Variants in IL22RA2 observed in about 807,000 individuals in gnomAD.
IL22RA2 encodes the protein interleukin-22 receptor subunit alpha-2.
IL22RA2 carries 39 observed loss-of-function variants against 30.7 expected under a neutral mutation model. That is an observed-to-expected ratio of 1.27 (90% confidence interval 0.98 to 1.66). The LOEUF (loss-of-function observed/expected upper bound fraction) is 1.66, where lower values mean the gene tolerates loss of function less well. IL22RA2 is among the 40% of genes most tolerant of loss of function. The pLI is 0.00. For synonymous variants in IL22RA2, 103 were observed against 105.0 expected (o/e 0.98, Z 0.11); for missense variants, 315 against 312.7 (o/e 1.01, Z -0.05).
intron 1 of IL22RA2, among the ~76,000 whole-genome samples, chr6:137,171,994 C>T (rs1187234029): frequency 1.3e-5 from 2 of 152,206 alleles, no homozygotes; most frequent in African/African-American, 4.8e-5. Flanking sequence ...TCCCTTTTCA[C>T]CTCTTCATGC....
In IL22RA2 at chr6:137,163,667, G is replaced by A. The variant is rs538313680; in HGVS notation, c.-65-1853C>T. Among the ~76,000 whole-genome samples the A allele has an allele frequency of 2.6e-5, 4 of 152,324 alleles. No individual in the cohort carries two copies. In the South Asian group the frequency reaches 8.3e-4, roughly 32 times the overall value. On this transcript the variant is annotated intron_variant, in intron 1 of 6. Coordinates refer to ENST00000296980, the MANE Select transcript of IL22RA2 (RefSeq NM_052962.3). ...AAGGGGAGCCTGGTCACCTCCAAGG[G>A]CATGACAACTAGTCTGACCCGAGGG...
chr6:137,156,696 C>G, intron 4 of IL22RA2, 63 bp downstream of exon 4: 1 of 1,575,316 alleles, frequency 6.3e-7, no homozygotes, highest in Non-Finnish European at 8.7e-7. Flanking sequence ...CAATCTTGGT[C>G]CATTTAATGT....
intron 1 of IL22RA2, among the ~76,000 whole-genome samples, chr6:137,163,553 G>C (rs1055883173): frequency 6.6e-6 from 1 of 152,116 alleles, no homozygotes; most frequent in Non-Finnish European, 1.5e-5. Flanking sequence ...CAGTGGAAAG[G>C]GTTGCAGGAC....
chr6:137,167,705 C>T (rs1229785824), intron 1 of IL22RA2, among the ~76,000 whole-genome samples: 1 of 152,192 alleles, frequency 6.6e-6, no homozygotes, highest in Non-Finnish European at 1.5e-5. Context: ...AAGCAGCCAC[C>T]ACCCAGGACC....
intron 1 of IL22RA2, among the ~76,000 whole-genome samples, chr6:137,169,809 G>C (rs1379342531): frequency 2.0e-5 from 3 of 152,222 alleles, no homozygotes; most frequent in African/African-American, 7.2e-5. Flanking sequence ...ACTGAATTAT[G>C]TTTTAGCTTC....
In IL22RA2 at chr6:137,156,373, A is replaced by G. The variant is rs574628864; in HGVS notation, c.293+386T>C. On this transcript the variant is annotated intron_variant, in intron 4 of 6. Coordinates refer to ENST00000296980, the MANE Select transcript of IL22RA2 (RefSeq NM_052962.3). ...AGATAGACGGTATCTATACTCGGTA[A>G]TCTACATGGTGACAGCAGTTTCATT... Among the ~76,000 whole-genome samples, 26 of 152,338 alleles carry G rather than the reference A, an allele frequency of 1.7e-4. No individual in the cohort carries two copies. The South Asian group carries it at 5.2e-3, about 30-fold the overall frequency.
Position 137,156,935 on chromosome 6 carries a change from C to T in IL22RA2, c.198-81G>A. The T allele has an allele frequency of 3.2e-6, 5 of 1,547,240 alleles. 1 individual carries two copies. The South Asian group carries it at 4.6e-5, about 14-fold the overall frequency. On this transcript the variant is annotated intron_variant, in intron 3 of 6. Transcript: ENST00000296980. ...ATCCTGGCTTTACAACAACCACTCT[C>T]ATAGAAACATTTCCATGACAAATTC...
intron 5 of IL22RA2, among the ~76,000 whole-genome samples, chr6:137,153,521 CA>C (rs1778335494): frequency 6.6e-6 from 1 of 152,134 alleles, no homozygotes; most frequent in Non-Finnish European, 1.5e-5. Context: ...CAACTTATGA[CA>C]TGTTTTTGTT....
intron 1 of IL22RA2, among the ~76,000 whole-genome samples, chr6:137,162,784 A>G (rs914376427): frequency 6.6e-6 from 1 of 152,220 alleles, no homozygotes; most frequent in Non-Finnish European, 1.5e-5. Context: ...TTTCTCAGAA[A>G]GAAACATTTC....
At chr6:137,147,313 G>A (rs1221105489) in intron 6 of IL22RA2, among the ~76,000 whole-genome samples, 1 of 147,372 alleles carries the variant, frequency 6.8e-6, no homozygotes, top group Admixed American at 6.8e-5. Context: ...AGTGAGCTAT[G>A]ATCACCACTG....
At chr6:137,168,543 A>C (rs1778668773) in intron 1 of IL22RA2, among the ~76,000 whole-genome samples, 1 of 152,244 alleles carries the variant, frequency 6.6e-6, no homozygotes, top group African/African-American at 2.4e-5. Context: ...AGTCAGCAGC[A>C]GAGCCACCAA....
In IL22RA2 at chr6:137,173,526, C is replaced by G. The variant is rs1162700495; in HGVS notation, c.-179G>C. 6.6e-6 allele frequency: 1 copy of G among 152,192 alleles called. No individual in the cohort carries two copies. Among genetic ancestry groups the G allele is most frequent in the Non-Finnish European group, 1.5e-5 (1 of 68,026 alleles). 9.4% of individuals were successfully genotyped at this position (152,192 alleles called of 1,614,324 possible). On this transcript the variant is annotated 5_prime_UTR_variant, in exon 1 of 7. Coordinates refer to ENST00000296980, the MANE Select transcript of IL22RA2 (RefSeq NM_052962.3). ...CCCATATTTTGTCTTTGTTAATCCT[C>G]TTATGAAGTCTAGGAGATTGGTATT...
intron 1 of IL22RA2, among the ~76,000 whole-genome samples, chr6:137,169,221 T>C (rs1778685130): frequency 6.6e-6 from 1 of 152,230 alleles, no homozygotes; most frequent in Non-Finnish European, 1.5e-5. Context: ...AGGTCAACAA[T>C]ATTTTGAAGA....
At position 137,154,996 on chromosome 6, in the gene IL22RA2, C is replaced by T. The variant is rs140915731; in HGVS notation, c.417G>A (p.Ser139=). The change falls in exon 5 of 7, where the codon TCG becomes TCA. Residue 139 remains serine (S), a synonymous_variant. Coordinates refer to ENST00000296980, the MANE Select transcript of IL22RA2 (RefSeq NM_052962.3). ...TGCTCCATTCTGAGTAGCTCCCAGCCGAGGCCGCCCTCACCCTCCCGTAAT... is the reference window on the plus strand; with the variant it reads ...TGCTCCATTCTGAGTAGCTCCCAGCTGAGGCCGCCCTCACCCTCCCGTAAT... ...EPYYGRVRAA[S]AGSYSEWSMT... 4.2e-5 allele frequency: 67 copies of T among 1,613,952 alleles called. No homozygotes were observed. Among genetic ancestry groups the T allele is most frequent in the Middle Eastern group, 3.3e-4 (2 of 6,084 alleles).
At chr6:137,167,188 A>G (rs72977637) in intron 1 of IL22RA2, among the ~76,000 whole-genome samples, 1,987 of 152,344 alleles carry the variant, frequency 0.013, 36 homozygotes, top group Middle Eastern at 0.037. Context: ...TAAAAATCAA[A>G]TGAAAACTGC....
chr6:137,152,603 G>A (rs1778312648), intron 5 of IL22RA2, among the ~76,000 whole-genome samples: 1 of 152,150 alleles, frequency 6.6e-6, no homozygotes, highest in South Asian at 2.1e-4. Flanking sequence ...TGCTTTTTGA[G>A]GTGATAAAAA....
rs1011070723 is a variant in IL22RA2, at chr6:137,158,327, A to T, written c.197+20T>A. On this transcript the variant is annotated intron_variant, in intron 3 of 6. Coordinates refer to ENST00000296980, the MANE Select transcript of IL22RA2 (RefSeq NM_052962.3). The stretch of plus-strand genomic sequence containing the variant: ...TCCCAGTGCCATCTCTATCAGCTGA[A>T]GGAGGCTCAATTTACTTACATTTTG... 2.5e-6 allele frequency: 4 copies of T among 1,613,592 alleles called. No homozygotes were observed. The Admixed American group carries it at 5.0e-5, about 20-fold the overall frequency.
chr6:137,149,138 A>C (rs1023559777), intron 5 of IL22RA2, among the ~76,000 whole-genome samples: 6 of 152,232 alleles, frequency 3.9e-5, no homozygotes, highest in Non-Finnish European at 7.4e-5. Context: ...TTTCTTACTC[A>C]GGCATCTTTG....
Position 137,147,728 on chromosome 6 carries a change from T to C in IL22RA2, c.636A>G (p.Leu212=). 6.5e-7 allele frequency: 1 copy of C among 1,537,076 alleles called. No individual in the cohort carries two copies. The highest frequency in any genetic ancestry group is 8.9e-7 in the Non-Finnish European group (1 of 1,125,766). Residue 212 remains leucine, a synonymous_variant, in exon 6 of 7, where the codon CTA becomes CTG. Coordinates refer to ENST00000296980, the MANE Select transcript of IL22RA2 (RefSeq NM_052962.3). ...TCTATTCATCTGAACTTACCTTTTC[T>C]AGTGAATTGTTAATTATAAAAACTC... ...LYRVFIINNS[L]EKEQKVYEGA...
Sources: gnomAD v4.1 joint callset for allele counts (sites outside exome capture counted in the v4.1 genomes callset) on GRCh38, gnomAD v4.1.1 for gene constraint, MANE v1.5 for transcripts, NCBI Gene and HGNC (gene_info 2026-07-23, HGNC 2026-07-21) for gene names.